Variants in GPR39 observed in about 807,000 individuals in gnomAD.
The protein encoded by GPR39 is G protein-coupled receptor 39.
GPR39 carries 23 observed loss-of-function variants against 18.4 expected under a neutral mutation model. The observed-to-expected ratio is 1.25, with a 90% confidence interval of 0.90 to 1.77. The LOEUF is 1.77. GPR39 is among the 40% of genes most tolerant of loss of function. GPR39 has a pLI of 0.00. For missense variants in GPR39, 647 were observed against 602.4 expected, an observed-to-expected ratio of 1.07 and a Z score of -0.78; for synonymous variants, 280 against 257.9, an observed-to-expected ratio of 1.09 and a Z score of -0.82.
intron 1 of GPR39, among the ~76,000 whole-genome samples, chr2:132,464,715 A>G (rs1262987694): frequency 6.6e-6 from 1 of 152,150 alleles, no homozygotes; most frequent in Non-Finnish European, 1.5e-5. Flanking sequence ...CTTCCCTCCT[A>G]TGACCCGGCA....
At chr2:132,455,929 G>A (rs1223704531) in intron 1 of GPR39, among the ~76,000 whole-genome samples, 3 of 151,936 alleles carry the variant, frequency 2.0e-5, no homozygotes, top group African/African-American at 4.8e-5. Flanking sequence ...TAAGTGTGAT[G>A]TGGTGCTGAG....
chr2:132,427,821 T>G (rs935225153), intron 1 of GPR39, among the ~76,000 whole-genome samples: 3 of 148,844 alleles, frequency 2.0e-5, no homozygotes, highest in Admixed American at 6.7e-5. Flanking sequence ...CCTTAGCCTC[T>G]TGGTAGCTAG....
chr2:132,540,401 C>A (rs1009881946), intron 1 of GPR39, among the ~76,000 whole-genome samples: 1 of 152,110 alleles, frequency 6.6e-6, no homozygotes, highest in Non-Finnish European at 1.5e-5. Flanking sequence ...CTCCATCTCA[C>A]AGGGGAACCC....
chr2:132,489,842 C>CA (rs1310334578), intron 1 of GPR39, among the ~76,000 whole-genome samples: 1 of 151,824 alleles, frequency 6.6e-6, no homozygotes, highest in African/African-American at 2.4e-5. Flanking sequence ...AATTTATGAT[C>CA]AATTTAGTCA....
chr2:132,603,740 A>C (rs758820497), intron 1 of GPR39, among the ~76,000 whole-genome samples: 4 of 152,198 alleles, frequency 2.6e-5, no homozygotes, highest in African/African-American at 4.8e-5. Flanking sequence ...ACTAAAATCC[A>C]CTGAAGTCAG....
chr2:132,457,186 T>A (rs1437876628), intron 1 of GPR39, among the ~76,000 whole-genome samples: 2 of 152,228 alleles, frequency 1.3e-5, no homozygotes, highest in African/African-American at 4.8e-5. Flanking sequence ...TTCTTCTTAC[T>A]CTTTTTTCTC....
intron 1 of GPR39, among the ~76,000 whole-genome samples, chr2:132,599,908 C>T (rs1197784409): frequency 6.6e-6 from 1 of 152,108 alleles, no homozygotes. Context: ...TTAATAACAC[C>T]ACAGATCTGC....
At chr2:132,529,650 C>A (rs1452041608) in intron 1 of GPR39, among the ~76,000 whole-genome samples, 1 of 152,194 alleles carries the variant, frequency 6.6e-6, no homozygotes, top group Admixed American at 6.5e-5. Context: ...TCCTCTGAGA[C>A]AAAACTTCCA....
At chr2:132,589,548 C>T (rs1389110511) in intron 1 of GPR39, among the ~76,000 whole-genome samples, 1 of 152,194 alleles carries the variant, frequency 6.6e-6, no homozygotes, top group Non-Finnish European at 1.5e-5. Flanking sequence ...TTAGGCAGAG[C>T]CGAGATCTCC....
chr2:132,422,652 C>T (rs1680036373), intron 1 of GPR39, among the ~76,000 whole-genome samples: 1 of 151,976 alleles, frequency 6.6e-6, no homozygotes. Context: ...TATTTTGACT[C>T]CAATGTTTCA....
intron 1 of GPR39, among the ~76,000 whole-genome samples, chr2:132,561,995 G>A (rs183838374): frequency 1.4e-4 from 22 of 152,148 alleles, no homozygotes; most frequent in Admixed American, 5.9e-4. Flanking sequence ...AAATACCCTC[G>A]CAGACACACT....
intron 1 of GPR39, among the ~76,000 whole-genome samples, chr2:132,632,330 A>G (rs10199134): frequency 3.3e-5 from 5 of 152,124 alleles, no homozygotes; most frequent in African/African-American, 1.2e-4. Flanking sequence ...TTCCCTTACA[A>G]GTAAAAAGGC....
intron 1 of GPR39, among the ~76,000 whole-genome samples, chr2:132,599,526 G>A (rs1029439889): frequency 2.6e-5 from 4 of 152,106 alleles, no homozygotes; most frequent in Admixed American, 6.5e-5. Context: ...TCTAGTCTTC[G>A]CATCACTTAG....
At chr2:132,487,400 T>A (rs1347637930) in intron 1 of GPR39, among the ~76,000 whole-genome samples, 4 of 152,224 alleles carry the variant, frequency 2.6e-5, no homozygotes, top group Admixed American at 2.0e-4. Context: ...TGTTGCCACA[T>A]GTCTTCAATT....
chr2:132,571,401 ACT>A (rs755322785), intron 1 of GPR39, among the ~76,000 whole-genome samples: 1 of 152,048 alleles, frequency 6.6e-6, no homozygotes, highest in Non-Finnish European at 1.5e-5. Context: ...ATTTTTAAAA[ACT>A]CTGTAATCCA....
intron 1 of GPR39, among the ~76,000 whole-genome samples, chr2:132,545,606 ACAGT>A (rs1679932407): frequency 6.6e-6 from 1 of 152,054 alleles, no homozygotes; most frequent in African/African-American, 2.4e-5. Context: ...GAGTTGAATA[ACAGT>A]CAGATTGTCT....
chr2:132,644,877 CTTTCTT>C (rs1681968839), intron 1 of GPR39: 2 of 569,486 alleles, frequency 3.5e-6, no homozygotes, highest in Admixed American at 6.8e-5. Flanking sequence ...ATTTAATGGT[CTTTCTT>C]TAACACAGCC....
intron 1 of GPR39, among the ~76,000 whole-genome samples, chr2:132,634,188 G>A (rs1681706491): frequency 6.6e-6 from 1 of 152,062 alleles, no homozygotes; most frequent in Non-Finnish European, 1.5e-5. Flanking sequence ...GGTGGTACTG[G>A]TAGAGGTAGA....
At chr2:132,500,068 C>G (rs551954782) in intron 1 of GPR39, among the ~76,000 whole-genome samples, 1 of 152,110 alleles carries the variant, frequency 6.6e-6, no homozygotes, top group Non-Finnish European at 1.5e-5. Flanking sequence ...TTTGGATGCC[C>G]TTTAGTTCTT....
Sources: allele counts gnomAD v4.1 joint callset (sites outside exome capture counted in the v4.1 genomes callset), GRCh38; gene constraint gnomAD v4.1.1; transcripts MANE v1.5; gene names NCBI Gene and HGNC (gene_info 2026-07-23, HGNC 2026-07-21).